ZNF571: variants seen among roughly 807,000 people sequenced by gnomAD.
ZNF571 encodes zinc finger protein 571.
Under a neutral mutation model 7.7 loss-of-function variants are expected in ZNF571, and 4 were observed. The ratio of observed to expected loss-of-function variants is 0.52; its 90% confidence interval spans 0.25 to 1.18. The LOEUF is 1.18. Ranked by LOEUF, ZNF571 falls within the 50% of genes most tolerant of loss-of-function variation. ZNF571 has a pLI of 0.14. For synonymous variants in ZNF571, 251 were observed against 232.4 expected (o/e 1.08, Z -0.73); for missense variants, 704 against 726.9 (o/e 0.97, Z 0.36).
chr19:37,584,429 T>G (rs530296149), intron 2 of ZNF571, among the ~76,000 whole-genome samples: 190 of 152,332 alleles, frequency 1.2e-3, no homozygotes, highest in African/African-American at 4.1e-3. Context: ...CCTCAATAAC[T>G]AATATACTCT....
intron 3 of ZNF571, among the ~76,000 whole-genome samples, chr19:37,581,298 CTAACA>C (rs2043450013): frequency 6.6e-6 from 1 of 152,016 alleles, no homozygotes; most frequent in Non-Finnish European, 1.5e-5. Flanking sequence ...ACAACTTGTA[CTAACA>C]TAATAATACA....
In ZNF571 at chr19:37,565,675, A is replaced by T. The variant is rs1365703464; in HGVS notation, c.753T>A (p.Tyr251Ter). 6.2e-7 allele frequency: 1 copy of T among 1,613,660 alleles called. No homozygotes were observed. Among genetic ancestry groups the T allele is most frequent in the East Asian group, 2.2e-5 (1 of 44,848 alleles). ...HQRVHTGEKP[Y>*]ECKKCGKAFS... ...AGGCTTTTCCACATTTCTTACATTC[A>T]TATGGTTTCTCTCCTGTATGAACTC... The change falls in exon 4 of 4, where the codon TAT (tyrosine) becomes TAA (stop). Residue 251 changes from tyrosine (Y) to a stop codon, truncating the protein, a stop_gained. Transcript: ENST00000451802. LOFTEE classifies it low-confidence loss of function (END_TRUNC).
At chr19:37,586,966 C>G (rs2043695754) in intron 1 of ZNF571, 1 of 417,188 alleles carries the variant, frequency 2.4e-6, no homozygotes, top group Non-Finnish European at 4.2e-6. Flanking sequence ...CCCATGGCAT[C>G]TCCTCTTCCA....
chr19:37,591,519 T>TA (rs1370013549), intron 1 of ZNF571, among the ~76,000 whole-genome samples: 1 of 152,220 alleles, frequency 6.6e-6, no homozygotes, highest in Non-Finnish European at 1.5e-5. Context: ...AAGAATCAAA[T>TA]CAATTACTCT....
At chr19:37,573,759 C>T (rs1271748757) in intron 3 of ZNF571, among the ~76,000 whole-genome samples, 2 of 150,278 alleles carry the variant, frequency 1.3e-5, no homozygotes, top group African/African-American at 2.5e-5. Flanking sequence ...CACTTCAGCC[C>T]GAGTGTGAGG....
chr19:37,591,002 A>G (rs993399939), intron 1 of ZNF571, among the ~76,000 whole-genome samples: 1 of 152,250 alleles, frequency 6.6e-6, no homozygotes, highest in Non-Finnish European at 1.5e-5. Flanking sequence ...AGCATAAAAC[A>G]GAGATACAAG....
At chr19:37,574,660 A>G (rs2043182520) in intron 3 of ZNF571, among the ~76,000 whole-genome samples, 1 of 152,210 alleles carries the variant, frequency 6.6e-6, no homozygotes, top group South Asian at 2.1e-4. Flanking sequence ...ACTTTTCAAC[A>G]AACCTAAACA....
intron 3 of ZNF571, among the ~76,000 whole-genome samples, chr19:37,582,116 A>G (rs895917396): frequency 8.5e-5 from 13 of 152,162 alleles, no homozygotes; most frequent in Non-Finnish European, 1.5e-5. Context: ...GGGTTCCTCA[A>G]ATGGGCCTTC....
At chr19:37,584,744 C>T (rs1267570590) in intron 2 of ZNF571, among the ~76,000 whole-genome samples, 1 of 151,940 alleles carries the variant, frequency 6.6e-6, no homozygotes, top group Non-Finnish European at 1.5e-5. Context: ...GGGCGGATCA[C>T]GAGGTCAGGA....
At chr19:37,578,955 G>A (rs1239003830) in intron 3 of ZNF571, among the ~76,000 whole-genome samples, 1 of 151,978 alleles carries the variant, frequency 6.6e-6, no homozygotes, top group African/African-American at 2.4e-5. Context: ...GGGAGGGAAG[G>A]GCAAGCGCGC....
Position 37,565,865 on chromosome 19 carries a change from A to AT in ZNF571, c.562dup (p.Ile188AsnfsTer5). 1 of 1,613,930 alleles carries AT rather than the reference A, an allele frequency of 6.2e-7. No individual in the cohort carries two copies. The highest frequency in any genetic ancestry group is 8.5e-7 in the Non-Finnish European group (1 of 1,179,894). ...CTCATAAGGTTTCTCACCAGTCTGAATTCTCTGATGTTGAATATAGCTTGG... is the reference window on the plus strand; with the variant it reads ...CTCATAAGGTTTCTCACCAGTCTGAATTTCTCTGATGTTGAATATAGCTTGG... On this transcript the variant is annotated frameshift_variant, in exon 4 of 4. Transcript: ENST00000451802. LOFTEE classifies it low-confidence loss of function (END_TRUNC).
At chr19:37,576,739 A>G (rs1480809303) in intron 3 of ZNF571, among the ~76,000 whole-genome samples, 3 of 152,220 alleles carry the variant, frequency 2.0e-5, no homozygotes, top group Non-Finnish European at 2.9e-5. Context: ...TTCTGAATAC[A>G]TGATAGCAAA....
At chr19:37,578,293 G>A (rs756721438) in intron 3 of ZNF571, among the ~76,000 whole-genome samples, 1 of 152,134 alleles carries the variant, frequency 6.6e-6, no homozygotes, top group African/African-American at 2.4e-5. Context: ...AGAGAGACAA[G>A]CCAGGCAGCC....
chr19:37,587,760 C>A (rs2043726658), intron 1 of ZNF571, among the ~76,000 whole-genome samples: 1 of 152,064 alleles, frequency 6.6e-6, no homozygotes. Flanking sequence ...AGCCATTGTA[C>A]TAAGATTTTG....
intron 3 of ZNF571, among the ~76,000 whole-genome samples, chr19:37,581,466 C>CTT (rs1226046583): frequency 4.8e-4 from 67 of 138,708 alleles, no homozygotes; most frequent in African/African-American, 1.4e-3. Context: ...TTCTTTCTTT[C>CTT]TTTTTTTTTT....
intron 3 of ZNF571, among the ~76,000 whole-genome samples, chr19:37,577,155 CAG>C (rs1407640166): frequency 6.6e-6 from 1 of 152,064 alleles, no homozygotes; most frequent in African/African-American, 2.4e-5. Context: ...AAATTAAGAA[CAG>C]AGAGCTTAAT....
intron 2 of ZNF571, among the ~76,000 whole-genome samples, chr19:37,584,554 A>G (rs1367849499): frequency 6.6e-6 from 1 of 152,200 alleles, no homozygotes; most frequent in Non-Finnish European, 1.5e-5. Flanking sequence ...TTTGAATATA[A>G]CCTAAGAATT....
chr19:37,572,443 C>T (rs1181451712), intron 3 of ZNF571, among the ~76,000 whole-genome samples: 1 of 152,182 alleles, frequency 6.6e-6, no homozygotes, highest in Non-Finnish European at 1.5e-5. Flanking sequence ...ATCCCTCTGA[C>T]CAGCATATTG....
chr19:37,592,729 T>G (rs2043903237), intron 1 of ZNF571, among the ~76,000 whole-genome samples: 1 of 152,210 alleles, frequency 6.6e-6, no homozygotes, highest in Non-Finnish European at 1.5e-5. Context: ...CTGATCCAAA[T>G]TCCATCAAAC....
Sources: gnomAD v4.1 joint callset for allele counts (sites outside exome capture counted in the v4.1 genomes callset) on GRCh38, gnomAD v4.1.1 for gene constraint, MANE v1.5 for transcripts, NCBI Gene and HGNC (gene_info 2026-07-23, HGNC 2026-07-21) for gene names.